Variants in LRGUK observed in about 807,000 individuals in gnomAD.
The protein encoded by LRGUK is leucine rich repeats and guanylate kinase domain containing.
Under a neutral mutation model 76.0 loss-of-function variants are expected in LRGUK, and 65 were observed. The ratio of observed to expected loss-of-function variants is 0.85; its 90% CI spans 0.70 to 1.05. LRGUK has a LOEUF of 1.05. Among genes scored for constraint, LRGUK ranks in the 50% least tolerant of loss-of-function variants. The pLI, the probability that LRGUK is intolerant of heterozygous loss-of-function variation, is 0.00. For synonymous variants in LRGUK, 268 were observed against 265.6 expected (o/e 1.01, Z -0.09); for missense variants, 758 against 732.8 (o/e 1.03, Z -0.40).
downstream of LRGUK, among the ~76,000 whole-genome samples, chr7:134,267,176 T>C (rs942540212): frequency 6.6e-6 from 1 of 151,946 alleles, no homozygotes; most frequent in Admixed American, 6.6e-5. Context: ...GAAGGAAACC[T>C]GAAAGATCAT....
At chr7:134,200,865 A>G (rs1268466063) in intron 14 of LRGUK, among the ~76,000 whole-genome samples, 2 of 152,182 alleles carry the variant, frequency 1.3e-5, no homozygotes, top group Non-Finnish European at 2.9e-5. Flanking sequence ...TGCTCAGGGT[A>G]TCAGGAAGCT....
intron 10 of LRGUK, among the ~76,000 whole-genome samples, chr7:134,180,696 A>T (rs74303660): frequency 0.1 from 15,454 of 152,224 alleles, 1,557 homozygotes; most frequent in East Asian, 0.38. Context: ...TTTTTTGCCT[A>T]CAATTTACCC....
At chr7:134,214,156 T>TA (rs1801369407), downstream of LRGUK, among the ~76,000 whole-genome samples, 1 of 151,576 alleles carries the variant, frequency 6.6e-6, no homozygotes, top group South Asian at 2.1e-4. Context: ...GAAGAGGAAA[T>TA]AAAAATGGCC....
chr7:134,201,793 T>G (rs185903157), intron 15 of LRGUK, among the ~76,000 whole-genome samples: 24 of 152,148 alleles, frequency 1.6e-4, no homozygotes, highest in Non-Finnish European at 3.4e-4. Flanking sequence ...GACCTCCAGG[T>G]ACTGCCCTTC....
intron 1 of LRGUK, among the ~76,000 whole-genome samples, chr7:134,136,367 C>G (rs551394984): frequency 6.6e-6 from 1 of 152,128 alleles, no homozygotes; most frequent in Non-Finnish European, 1.5e-5. Context: ...GCAACATTGA[C>G]TAATAGGAAG....
At chr7:134,156,738 A>T (rs538122442) in intron 5 of LRGUK, among the ~76,000 whole-genome samples, 28 of 152,238 alleles carry the variant, frequency 1.8e-4, no homozygotes, top group African/African-American at 3.1e-4. Flanking sequence ...ATCAATATTT[A>T]AAAAAAATTA....
intron 16 of LRGUK, among the ~76,000 whole-genome samples, chr7:134,223,979 GGGT>G (rs1801667963): frequency 6.6e-6 from 1 of 152,098 alleles, no homozygotes. Context: ...CTGGGGTAAT[GGGT>G]AGAAGTCAAC....
intron 1 of LRGUK, among the ~76,000 whole-genome samples, chr7:134,136,765 A>C (rs1797556153): frequency 6.6e-6 from 1 of 152,122 alleles, no homozygotes; most frequent in African/African-American, 2.4e-5. Context: ...TACAATGTTC[A>C]CTCAACTTTG....
At position 134,139,529 on chromosome 7, in the gene LRGUK, T is replaced by C. The variant is rs762944402; in HGVS notation, c.487+12T>C. The stretch of plus-strand genomic sequence containing the variant: ...GAATAAAATTGAAGGTATGTAATTG[T>C]CATTCTAGATTGATCACTGAATTAT... On this transcript the variant is annotated intron_variant, in intron 3 of 15. Coordinates refer to ENST00000645682, the Ensembl canonical transcript of LRGUK. The C allele has an allele frequency of 6.5e-7, 1 of 1,529,982 alleles. No individual in the cohort carries two copies. Among genetic ancestry groups the C allele is most frequent in the Non-Finnish European group, 9.0e-7 (1 of 1,106,662 alleles). 94.8% of individuals were successfully genotyped at this position (1,529,982 alleles called of 1,614,324 possible).
Position 134,127,621 on chromosome 7 carries a change from C to T in LRGUK, c.254C>T (p.Ala85Val). 1 of 1,614,102 alleles carries T rather than the reference C, an allele frequency of 6.2e-7. No individual in the cohort carries two copies. Among genetic ancestry groups the T allele is most frequent in the Non-Finnish European group, 8.5e-7 (1 of 1,179,990 alleles). ...GATGAGGACCAGGGCGAGGGCGAGGCGGGATCCGAGGAGTCCTCAGAGTCC... is the reference window on the plus strand; with the variant it reads ...GATGAGGACCAGGGCGAGGGCGAGGTGGGATCCGAGGAGTCCTCAGAGTCC... Residue 85 changes from alanine (A) to valine (V), a missense_variant, in exon 1 of 16, where the codon GCG (alanine) becomes GTG (valine). Ala to Val is a moderately conservative substitution (Grantham distance 64, BLOSUM62 0). Transcript: ENST00000645682.
At chr7:134,136,524 G>C (rs1013973227) in intron 1 of LRGUK, among the ~76,000 whole-genome samples, 1 of 152,164 alleles carries the variant, frequency 6.6e-6, no homozygotes, top group African/African-American at 2.4e-5. Context: ...ATTGCCCTGG[G>C]ACTGGACAGA....
exon 16 of LRGUK, chr7:134,209,322 C>G: frequency 5.0e-6 from 2 of 399,366 alleles, no homozygotes; most frequent in East Asian, 7.1e-5. Flanking sequence ...CCCAGCAGTT[C>G]CCACCATGAT....
rs765397953 is a variant in LRGUK at position 134,127,548 on chromosome 7, C to G, written c.181C>G (p.Leu61Val). The change falls in exon 1 of 16, where the codon CTG becomes GTG. Residue 61 changes from leucine (L) to valine (V), a missense_variant. Coordinates refer to ENST00000645682, the Ensembl canonical transcript of LRGUK. ...CAGCTCTAACATAGCCTCCTCCTAC[C>G]TGCTCCAGCAGCTCATGCACCGCTA... 3.1e-6 allele frequency: 5 copies of G among 1,614,218 alleles called. No homozygotes were observed. In the South Asian group the frequency reaches 5.5e-5, roughly 18 times the overall value.
chr7:134,142,920 C>T (rs1327103388), intron 3 of LRGUK, 142 bp from the exon 4 acceptor site: 7 of 532,796 alleles, frequency 1.3e-5, no homozygotes, highest in East Asian at 9.4e-5. Flanking sequence ...TGATTTTATT[C>T]CTTTCACTCA....
intron 1 of LRGUK, among the ~76,000 whole-genome samples, 153 bp downstream of exon 1, chr7:134,127,817 TC>T (rs538908260): frequency 6.6e-6 from 1 of 151,758 alleles, no homozygotes; most frequent in South Asian, 2.1e-4. Flanking sequence ...CCTCTTTTCT[TC>T]CCCTGTCTTT....
chr7:134,154,449 T>G (rs1798376657), intron 5 of LRGUK, among the ~76,000 whole-genome samples: 1 of 152,176 alleles, frequency 6.6e-6, no homozygotes, highest in Non-Finnish European at 1.5e-5. Flanking sequence ...CAGGCCTGCA[T>G]ATTGACTGTT....
At chr7:134,136,183 T>C (rs1436243802) in intron 1 of LRGUK, among the ~76,000 whole-genome samples, 3 of 152,204 alleles carry the variant, frequency 2.0e-5, no homozygotes, top group African/African-American at 7.2e-5. Flanking sequence ...ATTATGGAGT[T>C]GAAGGCAGCA....
chr7:134,230,747 A>C (rs1365129287), intron 16 of LRGUK, among the ~76,000 whole-genome samples: 3 of 152,248 alleles, frequency 2.0e-5, no homozygotes, highest in African/African-American at 7.2e-5. Context: ...CTATACATGC[A>C]ATCTGATTCC....
chr7:134,159,757 C>A (rs185805348), intron 6 of LRGUK, among the ~76,000 whole-genome samples: 1 of 152,156 alleles, frequency 6.6e-6, no homozygotes. Flanking sequence ...CCACTGAACT[C>A]CAGTCTGGGT....
Sources: allele counts gnomAD v4.1 joint callset (sites outside exome capture counted in the v4.1 genomes callset), GRCh38; gene constraint gnomAD v4.1.1; transcripts MANE v1.5; gene names NCBI Gene and HGNC (gene_info 2026-07-23, HGNC 2026-07-21).